Variants in ATP1A3 observed in about 807,000 individuals in gnomAD.
ATP1A3 encodes the protein sodium/potassium-transporting ATPase subunit alpha-3.
Under a neutral mutation model 108.8 loss-of-function variants are expected in ATP1A3, and 12 were observed. The observed-to-expected ratio is 0.11, with a 90% CI of 0.07 to 0.18. The LOEUF (loss-of-function observed/expected upper bound fraction) is 0.18, where lower values mean the gene tolerates loss of function less well. ATP1A3 is among the 10% of genes least tolerant of loss of function. ATP1A3 has a pLI of 1.00. For synonymous variants in ATP1A3, 539 were observed against 564.5 expected (o/e 0.95, Z 0.64); for missense variants, 498 against 1,387.7 (o/e 0.36, Z 10.19).
Position 41,985,125 on chromosome 19 carries a change from G to A in ATP1A3, c.786C>T (p.Thr262=), listed in dbSNP as rs74581050. 7.9e-5 allele frequency: 127 copies of A among 1,614,044 alleles called. No homozygotes were observed. The highest frequency in any genetic ancestry group is 5.6e-4 in the East Asian group (25 of 44,884). ...TGCCCACCTCCAGCCCTGATGCCAG[G>A]GTGGCGATACGGCCCATGACAGTGC... is the stretch of plus-strand genomic sequence containing the variant. ...GDRTVMGRIA[T]LASGLEVGKT... is the part of the protein sequence containing the mutation. Residue 262 remains threonine (T), a synonymous_variant, in exon 8 of 23, where the codon ACC becomes ACT. Coordinates refer to ENST00000648268, the MANE Select transcript of ATP1A3 (RefSeq NM_152296.5). The surrounding 1 kb of genome is among the most constrained non-coding windows in gnomAD (Gnocchi z 8.2).
At position 41,967,034 on chromosome 19, in the gene ATP1A3, C is replaced by T; in HGVS notation, c.3014-69G>A. On this transcript the variant is annotated intron_variant, in intron 22 of 22. Coordinates refer to ENST00000648268, the MANE Select transcript of ATP1A3 (RefSeq NM_152296.5). The surrounding 1 kb of genome is among the most constrained non-coding windows in gnomAD (Gnocchi z 4.2). The stretch of plus-strand genomic sequence containing the variant: ...GAGAGAGACAGGCAAGGCGAGCCGC[C>T]CAGCAGAGAGAGGGACAGAGAGGGA... 8 of 1,551,406 alleles carry T rather than the reference C, an allele frequency of 5.2e-6. No individual in the cohort carries two copies. Among genetic ancestry groups the T allele is most frequent in the Non-Finnish European group, 7.0e-6 (8 of 1,146,922 alleles).
In ATP1A3 at chr19:41,969,649, A is replaced by G. The variant is rs536757266; in HGVS notation, c.2543-69T>C. 3.4e-5 allele frequency: 55 copies of G among 1,599,166 alleles called. No individual in the cohort carries two copies. The African/African-American group carries it at 7.0e-4, about 20-fold the overall frequency. ...GCCAGCAGCCAACCCAGGGCACCTC[A>G]GAGGGCCCGGAGGCCTCCTTGGAGA... On this transcript the variant is annotated intron_variant, in intron 18 of 22. Coordinates refer to ENST00000648268, the MANE Select transcript of ATP1A3 (RefSeq NM_152296.5).
chr19:41,984,859 A>T (rs2075271242), intron 8 of ATP1A3, 59 bp downstream of exon 8: 1 of 1,557,538 alleles, frequency 6.4e-7, no homozygotes, highest in Admixed American at 1.9e-5. Flanking sequence ...CTCCTCCCTC[A>T]GACCCAGGAG....
At chr19:41,984,517 C>T (rs1222252232) in intron 8 of ATP1A3, 1 of 206,844 alleles carries the variant, frequency 4.8e-6, no homozygotes, top group Non-Finnish European at 1.0e-5. Flanking sequence ...AGCCAGTGCA[C>T]CCAGCCTCAT....
At chr19:41,971,194 T>C (rs906994465) in intron 16 of ATP1A3, among the ~76,000 whole-genome samples, 15 of 151,176 alleles carry the variant, frequency 9.9e-5, no homozygotes, top group Non-Finnish European at 4.4e-5. Context: ...ATTTCTGGGC[T>C]GTGATTCCAT....
At position 41,985,564 on chromosome 19, in the gene ATP1A3, G is replaced by T. The variant is rs1555865137; in HGVS notation, c.607-141C>A. 1.1e-6 allele frequency: 1 copy of T among 926,426 alleles called. No homozygotes were observed. The highest frequency in any genetic ancestry group is 1.7e-6 in the Non-Finnish European group (1 of 584,874). The allele number at this position is 926,426 out of a possible 1,614,324, so 57.4% of individuals were successfully genotyped here. On this transcript the variant is annotated intron_variant, in intron 6 of 22. Transcript: ENST00000648268. The surrounding 1 kb of genome is among the most constrained non-coding windows in gnomAD (Gnocchi z 8.2). ...GGTGCCCAGTGGGTGAGTGGTGTGT[G>T]GGAGGCCAGAGGCTGGGATCTTGAA... is the stretch of plus-strand genomic sequence containing the variant.
intron 16 of ATP1A3, among the ~76,000 whole-genome samples, chr19:41,973,363 C>G (rs1164704220): frequency 1.3e-5 from 2 of 152,200 alleles, no homozygotes; most frequent in East Asian, 3.8e-4. Context: ...TCAAGTGATC[C>G]TCCTGCCTCA....
At chr19:41,990,577 C>T (rs2075327902) in intron 1 of ATP1A3, among the ~76,000 whole-genome samples, 1 of 150,072 alleles carries the variant, frequency 6.7e-6, no homozygotes, top group Non-Finnish European at 1.5e-5. Flanking sequence ...CTCTCTCTTA[C>T]TACCTCATCC....
chr19:41,993,188 C>T, intron 1 of ATP1A3: 1 of 233,260 alleles, frequency 4.3e-6, no homozygotes, highest in Non-Finnish European at 8.9e-6. Flanking sequence ...CCCCTCCCTT[C>T]AGCCCCGCCC....
Position 41,981,447 on chromosome 19 carries a change from A to G in ATP1A3, c.1437+55T>C. 1 of 1,613,470 alleles carries G rather than the reference A, an allele frequency of 6.2e-7. No homozygotes were observed. Among genetic ancestry groups the G allele is most frequent in the East Asian group, 2.2e-5 (1 of 44,872 alleles). The stretch of plus-strand genomic sequence containing the variant: ...TCAAGGCTCTATGACACCTCTTTAC[A>G]GGCGTCATAAGGAACCTGAGGTCCA... On this transcript the variant is annotated intron_variant, in intron 11 of 22. Transcript: ENST00000648268. This position sits in a 1 kb window ranked among gnomAD's most constrained non-coding sequence, Gnocchi z 5.0.
chr19:41,984,079 C>A (rs1333490833), intron 8 of ATP1A3, among the ~76,000 whole-genome samples: 1 of 151,892 alleles, frequency 6.6e-6, no homozygotes, highest in Middle Eastern at 3.4e-3. Flanking sequence ...CCAGCCTTCA[C>A]ATTTTTTGGT....
At chr19:41,993,726 A>T (rs555725502) in intron 1 of ATP1A3, 1 of 598,900 alleles carries the variant, frequency 1.7e-6, no homozygotes, top group South Asian at 2.0e-5. Context: ...TTCAGACACC[A>T]CGGGGCCCAC....
At position 41,967,461 on chromosome 19, in the gene ATP1A3, G is replaced by A; in HGVS notation, c.2922-121C>T. The A allele has an allele frequency of 1.5e-6, 2 of 1,301,710 alleles. No homozygotes were observed. Among genetic ancestry groups the A allele is most frequent in the Non-Finnish European group, 2.1e-6 (2 of 941,738 alleles). 80.6% of individuals were successfully genotyped at this position (1,301,710 alleles called of 1,614,324 possible). On this transcript the variant is annotated intron_variant, in intron 21 of 22. Transcript: ENST00000648268. The surrounding 1 kb of genome is among the most constrained non-coding windows in gnomAD (Gnocchi z 4.2). Reference sequence around the variant, plus strand: ...GATCCTTCGTGCTCACAGGTGGAGGGTGCCCTGGGCGGGGCTGGGGCCTGG... The same window carrying A: ...GATCCTTCGTGCTCACAGGTGGAGGATGCCCTGGGCGGGGCTGGGGCCTGG...
In ATP1A3 at chr19:41,978,414, A is replaced by C; in HGVS notation, c.1631-88T>G. On this transcript the variant is annotated intron_variant, in intron 12 of 22. Transcript: ENST00000648268. The surrounding 1 kb of genome is among the most constrained non-coding windows in gnomAD (Gnocchi z 8.3). ...TAGATGTCTGCATCGCCCGCATTCC[A>C]TCTCCCCATCAGCAAGACGGCCAGT... 10 of 1,509,232 alleles carry C rather than the reference A, an allele frequency of 6.6e-6. No individual in the cohort carries two copies. Among genetic ancestry groups the C allele is most frequent in the Non-Finnish European group, 9.0e-6 (10 of 1,115,144 alleles). 93.5% of individuals were successfully genotyped at this position (1,509,232 alleles called of 1,614,324 possible).
intron 4 of ATP1A3, 70 bp from the exon 5 acceptor site, chr19:41,986,299 G>C (rs2075285933): frequency 2.0e-6 from 3 of 1,500,646 alleles, no homozygotes. Flanking sequence ...TGCTCGCCTG[G>C]AGTCTGGGAA....
rs1328707267 is a variant in ATP1A3 at position 41,985,849 on chromosome 19, T to C, written c.606+15A>G. 1 of 1,613,626 alleles carries C rather than the reference T, an allele frequency of 6.2e-7. No homozygotes were observed. Among genetic ancestry groups the C allele is most frequent in the Admixed American group, 1.7e-5 (1 of 60,018 alleles). ...CCCGAGGGAGGGTAAAGCCGGGCCC[T>C]AGGCCCAGGCCCACCTTGCAGCCGT... is the stretch of plus-strand genomic sequence containing the variant. On this transcript the variant is annotated intron_variant, in intron 6 of 22. Transcript: ENST00000648268. This position sits in a 1 kb window ranked among gnomAD's most constrained non-coding sequence, Gnocchi z 8.2.
rs1555858591 is a variant in ATP1A3 at position 41,966,720 on chromosome 19, G to T, written c.*217C>A. The T allele has an allele frequency of 6.5e-7, 1 of 1,531,258 alleles. No homozygotes were observed. The highest frequency in any genetic ancestry group is 8.8e-7 in the Non-Finnish European group (1 of 1,137,400). 94.9% of individuals were successfully genotyped at this position (1,531,258 alleles called of 1,614,324 possible). ...GGATAGAGGGGTGAGGAGAGGGAGA[G>T]AAACTGACACAGAAAAGAGAGAGGA... is the stretch of plus-strand genomic sequence containing the variant. On this transcript the variant is annotated 3_prime_UTR_variant, in exon 23 of 23. Coordinates refer to ENST00000648268, the MANE Select transcript of ATP1A3 (RefSeq NM_152296.5).
rs1555865089 is a variant in ATP1A3, at chr19:41,985,439, G to A, written c.607-16C>T. 6.2e-7 allele frequency: 1 copy of A among 1,607,326 alleles called. No homozygotes were observed. The highest frequency in any genetic ancestry group is 2.2e-5 in the East Asian group (1 of 44,846). ...AGTTGTCCACCTGGGGGTAGGTGCAGCAGAGAGAGGGTTCAGTCCAGGGCC... is the reference window on the plus strand; with the variant it reads ...AGTTGTCCACCTGGGGGTAGGTGCAACAGAGAGAGGGTTCAGTCCAGGGCC... On this transcript the variant is annotated splice_polypyrimidine_tract_variant and intron_variant, in intron 6 of 22. Transcript: ENST00000648268. The surrounding 1 kb of genome is among the most constrained non-coding windows in gnomAD (Gnocchi z 8.2).
chr19:41,970,914 G>A lies in ATP1A3; in HGVS notation c.2264-372C>T, dbSNP rs183168976. ...CCTGAAGTGCTGGGATTACAGGCGTGAGCCACCGCGCCCGGCCTGTCCAGC... is the reference window on the plus strand; with the variant it reads ...CCTGAAGTGCTGGGATTACAGGCGTAAGCCACCGCGCCCGGCCTGTCCAGC... On this transcript the variant is annotated intron_variant, in intron 16 of 22. Coordinates refer to ENST00000648268, the MANE Select transcript of ATP1A3 (RefSeq NM_152296.5). 1.1e-3 allele frequency among the ~76,000 whole-genome samples: 164 copies of A among 149,700 alleles called. No homozygotes were observed. The Middle Eastern group carries it at 0.019, about 17-fold the overall frequency.
Sources: gnomAD v4.1 joint callset for allele counts (sites outside exome capture counted in the v4.1 genomes callset) on GRCh38, gnomAD v4.1.1 for gene constraint, Gnocchi (gnomAD v3.1) non-coding constraint, MANE v1.5 for transcripts, NCBI Gene and HGNC (gene_info 2026-07-23, HGNC 2026-07-21) for gene names.